The following ANO10 variants were observed in gnomAD, a reference collection of about 807,000 sequenced individuals.
ANO10 encodes anoctamin 10, also known as anoctamin-10.
In ANO10, 77 loss-of-function variants were observed where a neutral mutation model predicts 74.7. The observed-to-expected ratio is 1.03, with a 90% CI of 0.86 to 1.25. ANO10 has a LOEUF of 1.25. ANO10 is among the 50% of genes most tolerant of loss of function. The pLI is 0.00. For missense variants in ANO10, 721 were observed against 778.1 expected (o/e 0.93, Z 0.87); for synonymous variants, 279 against 284.9 (o/e 0.98, Z 0.21).
chr3:43,516,491 G>A (rs1559638261), intron 11 of ANO10, among the ~76,000 whole-genome samples: 1 of 152,212 alleles, frequency 6.6e-6, no homozygotes, highest in Non-Finnish European at 1.5e-5. Flanking sequence ...AGAGGACCTT[G>A]AATCCCTTGT....
intron 1 of ANO10, among the ~76,000 whole-genome samples, chr3:43,678,475 T>C (rs77110057): frequency 7.9e-5 from 12 of 152,330 alleles, no homozygotes; most frequent in African/African-American, 2.9e-4. Flanking sequence ...ATGTTATCTA[T>C]AGATTCCAGA....
At chr3:43,589,026 A>C (rs2081602732) in intron 4 of ANO10, among the ~76,000 whole-genome samples, 1 of 152,208 alleles carries the variant, frequency 6.6e-6, no homozygotes, top group Admixed American at 6.5e-5. Context: ...TAACTGTCAA[A>C]TACTACAAAA....
At chr3:43,640,105 G>A (rs1420982212) in intron 1 of ANO10, among the ~76,000 whole-genome samples, 1 of 152,112 alleles carries the variant, frequency 6.6e-6, no homozygotes, top group East Asian at 1.9e-4. Flanking sequence ...ACTCTACAAA[G>A]CTTTACTTGA....
rs1459766568 is a variant in ANO10 at position 43,552,724 on chromosome 3, ATATATGTATGTATGTATG to A, written c.1668+2536_1668+2553del. Among the ~76,000 whole-genome samples the A allele has an allele frequency of 4.2e-3, 434 of 102,922 alleles. 3 individuals are homozygous for A. Among genetic ancestry groups the A allele is most frequent in the African/African-American group, 0.015 (407 of 27,288 alleles). The allele number at this position is 102,922 out of a possible 152,430, so 67.5% of individuals were successfully genotyped here. The stretch of plus-strand genomic sequence containing the variant: ...TATATATATATATATATATATATAT[ATATATGTATGTATGTATG>A]TATGTATGTATGTATGTATGTATGT... On this transcript the variant is annotated intron_variant, in intron 10 of 12. Transcript: ENST00000292246.
chr3:43,648,530 C>T (rs2083750400), intron 1 of ANO10, among the ~76,000 whole-genome samples: 3 of 152,062 alleles, frequency 2.0e-5, no homozygotes, highest in Admixed American at 2.0e-4. Context: ...TTCATGCCTC[C>T]CCTTTTTAGA....
chr3:43,502,727 T>C (rs1378272249), intron 11 of ANO10, among the ~76,000 whole-genome samples: 3 of 152,210 alleles, frequency 2.0e-5, no homozygotes, highest in African/African-American at 4.8e-5. Context: ...AAATGCAGTA[T>C]GTACGTGCAA....
intron 1 of ANO10, among the ~76,000 whole-genome samples, chr3:43,679,720 C>T (rs192158865): frequency 0.011 from 1,627 of 152,204 alleles, 17 homozygotes; most frequent in Non-Finnish European, 0.017. Context: ...TTCACACGGC[C>T]GGGTACTCCT....
rs1314514015 is a variant in ANO10, at chr3:43,605,780, G to A, written c.73C>T (p.Gln25Ter). Reference sequence around the variant, plus strand: ...TCTTTGGTTTCTTCTTTGACATCCTGAGCAAGTTCTATGACCACCAAAGGT... The same window carrying A: ...TCTTTGGTTTCTTCTTTGACATCCTAAGCAAGTTCTATGACCACCAAAGGT... The part of the protein sequence containing the change: ...FTPLVVIELA[Q>*]DVKEETKEWL... Residue 25 changes from glutamine (Q) to a stop codon, truncating the protein, a stop_gained, in exon 2 of 13, where the codon CAG becomes TAG. Coordinates refer to ENST00000292246, the MANE Select transcript of ANO10 (RefSeq NM_018075.5). LOFTEE classifies it high-confidence loss of function. 3 of 1,613,560 alleles carry A rather than the reference G, an allele frequency of 1.9e-6. No individual in the cohort carries two copies. The highest frequency in any genetic ancestry group is 1.7e-5 in the Admixed American group (1 of 59,970).
chr3:43,457,896 T>C (rs1166039167), intron 11 of ANO10, among the ~76,000 whole-genome samples: 1 of 152,080 alleles, frequency 6.6e-6, no homozygotes, highest in Non-Finnish European at 1.5e-5. Context: ...CTTGAGGAGC[T>C]TGTAGTCTGA....
chr3:43,439,583 T>C (rs1157260844), intron 11 of ANO10, among the ~76,000 whole-genome samples: 1 of 152,052 alleles, frequency 6.6e-6, no homozygotes, highest in Admixed American at 6.5e-5. Flanking sequence ...AGAATACCAA[T>C]GGATCAAAAA....
At chr3:43,586,624 A>G (rs947103973) in intron 4 of ANO10, among the ~76,000 whole-genome samples, 1 of 152,190 alleles carries the variant, frequency 6.6e-6, no homozygotes, top group Non-Finnish European at 1.5e-5. Flanking sequence ...GGAAAAACCA[A>G]AAATACTACA....
intron 3 of ANO10, 142 bp from the exon 4 acceptor site, chr3:43,598,808 A>G: frequency 1.4e-6 from 1 of 690,712 alleles, no homozygotes; most frequent in Non-Finnish European, 2.3e-6. Flanking sequence ...TAAATTAAAT[A>G]GAACATAAAG....
chr3:43,494,196 G>A (rs1399010546), intron 11 of ANO10, among the ~76,000 whole-genome samples: 1 of 152,214 alleles, frequency 6.6e-6, no homozygotes, highest in East Asian at 1.9e-4. Flanking sequence ...GCTCACGCCT[G>A]TAATCTCAGC....
chr3:43,492,347 A>T (rs1353221007), intron 11 of ANO10, among the ~76,000 whole-genome samples: 1 of 152,152 alleles, frequency 6.6e-6, no homozygotes, highest in East Asian at 1.9e-4. Flanking sequence ...CTAGAAGAAA[A>T]CCTGTCCAAT....
chr3:43,632,586 C>T (rs1247450145), intron 1 of ANO10, among the ~76,000 whole-genome samples: 1 of 152,256 alleles, frequency 6.6e-6, no homozygotes, highest in Non-Finnish European at 1.5e-5. Flanking sequence ...TGAATAGTCT[C>T]TTTTTAAAAC....
At chr3:43,573,895 A>G (rs2149392889) in intron 7 of ANO10, among the ~76,000 whole-genome samples, 1 of 152,348 alleles carries the variant, frequency 6.6e-6, no homozygotes, top group South Asian at 2.1e-4. Flanking sequence ...ATTCAAAGAA[A>G]TCACCAAAAG....
chr3:43,448,380 C>T (rs904437049), intron 11 of ANO10, among the ~76,000 whole-genome samples: 1 of 152,180 alleles, frequency 6.6e-6, no homozygotes, highest in African/African-American at 2.4e-5. Context: ...CCAGCTGCCA[C>T]TGATCTTTTT....
At chr3:43,381,048 T>C (rs1022850114) in intron 12 of ANO10, among the ~76,000 whole-genome samples, 2 of 152,078 alleles carry the variant, frequency 1.3e-5, no homozygotes, top group Non-Finnish European at 2.9e-5. Flanking sequence ...AAGCCCCTTA[T>C]AAAACCATCA....
At chr3:43,670,282 C>A (rs58661586) in intron 1 of ANO10, among the ~76,000 whole-genome samples, 80 of 151,526 alleles carry the variant, frequency 5.3e-4, no homozygotes, top group African/African-American at 1.9e-3. Context: ...GGATTGCTTG[C>A]GCCTGGGAGG....
Sources: gnomAD v4.1 joint callset for allele counts (sites outside exome capture counted in the v4.1 genomes callset) on GRCh38, gnomAD v4.1.1 for gene constraint, MANE v1.5 for transcripts, NCBI Gene and HGNC (gene_info 2026-07-23, HGNC 2026-07-21) for gene names.